The following PRIM2 variants were observed in gnomAD, a reference collection of about 807,000 sequenced individuals.
PRIM2 encodes the protein DNA primase subunit 2, also known as DNA primase large subunit.
Under a neutral mutation model 67.3 loss-of-function variants are expected in PRIM2, and 39 were observed. That is an observed-to-expected ratio of 0.58 (90% CI 0.45 to 0.76). The LOEUF (loss-of-function observed/expected upper bound fraction) is 0.76, where lower values mean the gene tolerates loss of function less well. Among genes scored for constraint, PRIM2 ranks in the 30% least tolerant of loss-of-function variants. The probability of loss-of-function intolerance (pLI) is 0.00; values close to 1 mark genes in which losing one functional copy is unlikely to be tolerated. For missense variants in PRIM2, 398 were observed against 598.7 expected, an observed-to-expected ratio of 0.66 and a Z score of 3.50; for synonymous variants, 143 against 198.7, an observed-to-expected ratio of 0.72 and a Z score of 2.36.
chr6:57,325,062 C>T (rs1767799551), intron 4 of PRIM2, among the ~76,000 whole-genome samples: 1 of 151,586 alleles, frequency 6.6e-6, no homozygotes. Flanking sequence ...CGATAATGCC[C>T]ATTAGTATCT....
At chr6:57,618,199 A>G (rs1316419719) in intron 12 of PRIM2, among the ~76,000 whole-genome samples, 3 of 152,108 alleles carry the variant, frequency 2.0e-5, no homozygotes, top group Non-Finnish European at 4.4e-5. Flanking sequence ...TTCTTTTTCA[A>G]TATTATTTTG....
chr6:57,481,966 G>A (rs1773640434), intron 7 of PRIM2, among the ~76,000 whole-genome samples: 1 of 152,188 alleles, frequency 6.6e-6, no homozygotes, highest in Non-Finnish European at 1.5e-5. Flanking sequence ...GGTTAGGTTA[G>A]AAGCTGTTGA....
chr6:57,268,837 T>G, the PRIM2 span, among the ~76,000 whole-genome samples: 1 of 136,312 alleles, frequency 7.3e-6, no homozygotes, highest in Non-Finnish European at 1.5e-5. Flanking sequence ...GCTGTGTCCA[T>G]GTGTTCTCAT....
chr6:57,491,272 G>C (rs1773883876), intron 7 of PRIM2, among the ~76,000 whole-genome samples: 1 of 152,160 alleles, frequency 6.6e-6, no homozygotes, highest in South Asian at 2.1e-4. Context: ...CAGTTACTCT[G>C]CATATTTGAG....
At chr6:57,355,619 CT>C (rs1769007220) in intron 5 of PRIM2, among the ~76,000 whole-genome samples, 1 of 152,066 alleles carries the variant, frequency 6.6e-6, no homozygotes, top group African/African-American at 2.4e-5. Context: ...AGGGCAAAGA[CT>C]AGGGAAACCA....
At chr6:57,325,687 A>AT (rs1767826813) in intron 4 of PRIM2, among the ~76,000 whole-genome samples, 1 of 152,188 alleles carries the variant, frequency 6.6e-6, no homozygotes, top group Non-Finnish European at 1.5e-5. Context: ...GTCTCGAAGC[A>AT]TTCTTGTATT....
At chr6:57,306,605 A>G in the PRIM2 span, among the ~76,000 whole-genome samples, 1 of 152,146 alleles carries the variant, frequency 6.6e-6, no homozygotes, top group Admixed American at 6.5e-5. Flanking sequence ...GGACCTAACA[A>G]GTATATTTGC....
chr6:57,475,725 A>G (rs1773461651), intron 7 of PRIM2, among the ~76,000 whole-genome samples: 1 of 152,256 alleles, frequency 6.6e-6, no homozygotes, highest in Non-Finnish European at 1.5e-5. Flanking sequence ...TTGCATAGCT[A>G]GACTATGGGT....
chr6:57,503,502 A>G (rs1554347064), intron 7 of PRIM2, among the ~76,000 whole-genome samples: 72 of 152,334 alleles, frequency 4.7e-4, no homozygotes, highest in African/African-American at 1.6e-3. Flanking sequence ...CGATCCCAGC[A>G]CTTTGGGAGG....
chr6:57,290,791 C>T, the PRIM2 span, among the ~76,000 whole-genome samples: 1 of 152,158 alleles, frequency 6.6e-6, no homozygotes, highest in African/African-American at 2.4e-5. Context: ...TAAAGATGTT[C>T]TTTGAAACCA....
chr6:57,400,776 A>C (rs955411098), intron 7 of PRIM2, among the ~76,000 whole-genome samples: 1 of 152,146 alleles, frequency 6.6e-6, no homozygotes, highest in Non-Finnish European at 1.5e-5. Context: ...TGTTCATTGC[A>C]TTGTAGGAAT....
chr6:57,624,796 A>G (rs1351811799), intron 12 of PRIM2, among the ~76,000 whole-genome samples: 11 of 152,096 alleles, frequency 7.2e-5, no homozygotes, highest in Non-Finnish European at 1.3e-4. Flanking sequence ...AGACTGTATT[A>G]CTCTGTTTTC....
intron 5 of PRIM2, among the ~76,000 whole-genome samples, chr6:57,362,099 C>T (rs1769219354): frequency 6.6e-6 from 1 of 152,104 alleles, no homozygotes; most frequent in African/African-American, 2.4e-5. Flanking sequence ...ATTGGGTCAA[C>T]AAATAGGATA....
Position 57,602,769 on chromosome 6 carries a change from A to G in PRIM2, c.1147+1550A>G, listed in dbSNP as rs1248285033. ...GTTTCTAAGTTCAACTCTGTCAGTC[A>G]AGAAATATTATACTTAGCACTCAAT... On this transcript the variant is annotated intron_variant, in intron 11 of 13. Coordinates refer to ENST00000615550, the MANE Select transcript of PRIM2 (RefSeq NM_000947.5). Among the ~76,000 whole-genome samples, 1,447 of 152,342 alleles carry G rather than the reference A, an allele frequency of 9.5e-3. 26 individuals are homozygous for G. Among genetic ancestry groups the G allele is most frequent in the African/African-American group, 0.033 (1,373 of 41,570 alleles).
chr6:57,440,558 T>C (rs1215550455), intron 7 of PRIM2, among the ~76,000 whole-genome samples: 8 of 152,268 alleles, frequency 5.3e-5, no homozygotes, highest in Non-Finnish European at 1.2e-4. Context: ...TGTAGATAGC[T>C]GATTAACTTT....
At chr6:57,530,136 G>A (rs1235359792) in intron 8 of PRIM2, among the ~76,000 whole-genome samples, 1 of 152,154 alleles carries the variant, frequency 6.6e-6, no homozygotes, top group Non-Finnish European at 1.5e-5. Context: ...TTTTGGAAGG[G>A]ACAGATATGC....
upstream of PRIM2, among the ~76,000 whole-genome samples, chr6:57,313,682 C>CT (rs1012456179): frequency 1.6e-4 from 25 of 152,138 alleles, no homozygotes; most frequent in African/African-American, 5.6e-4. Flanking sequence ...TCTGCATTAG[C>CT]TTTTATGGGT....
chr6:57,363,661 GCTCTTAGTCTC>G lies in PRIM2; in HGVS notation c.460-16237_460-16227del, dbSNP rs565304543. 4.5e-3 allele frequency among the ~76,000 whole-genome samples: 678 copies of G among 152,224 alleles called. 7 individuals carry two copies. Among genetic ancestry groups the G allele is most frequent in the African/African-American group, 0.016 (652 of 41,542 alleles). On this transcript the variant is annotated intron_variant, in intron 5 of 13. Transcript: ENST00000615550. ...CATTTGAAGGTAAGACAGCCACCCT[GCTCTTAGTCTC>G]CTTTTAAGATATTCTATTTAATTTA...
chr6:57,335,978 G>A (rs951511038), intron 5 of PRIM2, among the ~76,000 whole-genome samples: 4 of 152,104 alleles, frequency 2.6e-5, no homozygotes, highest in Admixed American at 6.5e-5. Flanking sequence ...TTAGAAGAAT[G>A]TATAACTAGA....
Sources: allele counts gnomAD v4.1 joint callset (sites outside exome capture counted in the v4.1 genomes callset), GRCh38; gene constraint gnomAD v4.1.1; transcripts MANE v1.5; gene names NCBI Gene and HGNC (gene_info 2026-07-23, HGNC 2026-07-21).